Variants in TEX11 observed in about 807,000 individuals in gnomAD.
TEX11 encodes testis expressed 11.
A neutral mutation model predicts 84.4 loss-of-function variants in TEX11; 7 were observed. The observed-to-expected ratio is 0.08, with a 90% confidence interval of 0.05 to 0.16. The LOEUF is 0.16. TEX11 is among the 10% of genes least tolerant of loss of function. The probability of loss-of-function intolerance (pLI) is 1.00; values close to 1 mark genes in which losing one functional copy is unlikely to be tolerated. For synonymous variants in TEX11, 264 were observed against 222.8 expected (o/e 1.18, Z -1.64); for missense variants, 551 against 660.5 (o/e 0.83, Z 1.82).
At chrX:70,685,355 G>C (rs907652688) in intron 13 of TEX11, among the ~76,000 whole-genome samples, 3 of 111,599 alleles carry the variant, frequency 2.7e-5, no homozygotes, top group African/African-American at 9.8e-5. Context: ...GTTGGAGTGA[G>C]ACTCTGTCTC....
intron 17 of TEX11, among the ~76,000 whole-genome samples, chrX:70,631,257 T>C (rs1044538716): frequency 3.6e-5 from 4 of 111,618 alleles, no homozygotes; most frequent in Non-Finnish European, 5.7e-5. Context: ...CTAGAACAAG[T>C]CTCAATATAT....
At chrX:70,587,381 G>T (rs1266760683) in intron 25 of TEX11, among the ~76,000 whole-genome samples, 1 of 112,241 alleles carries the variant, frequency 8.9e-6, no homozygotes, top group Admixed American at 9.4e-5. Context: ...TCTCTGCTTT[G>T]TGTACTCTTG....
At chrX:70,774,273 T>TA (rs1309488102) in intron 9 of TEX11, among the ~76,000 whole-genome samples, 640 of 58,080 alleles carry the variant, frequency 0.011, 3 homozygotes, top group South Asian at 0.014. Context: ...GCTAACATCA[T>TA]AAAAAAAAAA....
chrX:70,547,579 A>T (rs1206466046), intron 28 of TEX11, among the ~76,000 whole-genome samples: 2 of 111,670 alleles, frequency 1.8e-5, no homozygotes, highest in African/African-American at 6.5e-5. Flanking sequence ...CAAGAAAAAA[A>T]CAAACAACCC....
At chrX:70,676,896 G>C (rs2090076620) in intron 15 of TEX11, among the ~76,000 whole-genome samples, 1 of 111,751 alleles carries the variant, frequency 8.9e-6, no homozygotes, top group Non-Finnish European at 1.9e-5. Flanking sequence ...ATCCTAAACA[G>C]AGTTTTCATC....
intron 9 of TEX11, among the ~76,000 whole-genome samples, chrX:70,765,143 T>G (rs1430014145): frequency 1.8e-5 from 2 of 111,720 alleles, no homozygotes; most frequent in African/African-American, 6.5e-5. Context: ...CCCAGCAGTT[T>G]GGGAGGCCGA....
At chrX:70,880,848 G>A (rs1479767417) in intron 2 of TEX11, among the ~76,000 whole-genome samples, 1 of 108,291 alleles carries the variant, frequency 9.2e-6, no homozygotes, top group African/African-American at 3.4e-5. Context: ...ACTCCAAATA[G>A]CTGAATCTTA....
intron 9 of TEX11, among the ~76,000 whole-genome samples, chrX:70,798,411 T>C (rs2091168581): frequency 8.9e-6 from 1 of 111,973 alleles, no homozygotes; most frequent in Non-Finnish European, 1.9e-5. Context: ...ATGTCCATAC[T>C]ACCTAAAGCA....
At chrX:70,673,475 T>C (rs1428197803) in intron 15 of TEX11, 1 of 111,933 alleles carries the variant, frequency 8.9e-6, no homozygotes, top group African/African-American at 3.3e-5. Context: ...TTTAGTCACA[T>C]ATCAAGTGCA....
intron 25 of TEX11, among the ~76,000 whole-genome samples, chrX:70,575,653 GA>G (rs371264101): frequency 2.4e-4 from 27 of 110,919 alleles, no homozygotes; most frequent in African/African-American, 8.2e-4. Flanking sequence ...AGAAATGTGA[GA>G]AAAAAAAATT....
Position 70,880,060 on chromosome X carries a change from C to A in TEX11, c.87G>T (p.Glu29Asp). Reference sequence around the variant, plus strand: ...TGTCGCTGAAGAGTCTATCAATTGCCTCTGGTATGTTAGGTGAATTATCAT... The same window carrying A: ...TGTCGCTGAAGAGTCTATCAATTGCATCTGGTATGTTAGGTGAATTATCAT... ...VTNDNSPNIP[E>D]AIDRLFSDIA... Residue 29 changes from glutamate (E) to aspartate (D), a missense_variant, in exon 3 of 30, where the codon GAG (glutamate) becomes GAT (aspartate). Physicochemically the swap from Glu to Asp is conservative, Grantham distance 45 (BLOSUM62 2). Transcript: ENST00000374333. 8.5e-7 allele frequency: 1 copy of A among 1,183,021 alleles called. No homozygotes were observed. Among genetic ancestry groups the A allele is most frequent in the Non-Finnish European group, 1.1e-6 (1 of 874,271 alleles).
intron 16 of TEX11, among the ~76,000 whole-genome samples, chrX:70,662,475 G>A (rs149961561): frequency 0.11 from 12,626 of 110,929 alleles, 612 homozygotes; most frequent in Middle Eastern, 0.2. Flanking sequence ...CCCCAATCTA[G>A]CAAGGCAGGC....
chrX:70,860,763 T>G (rs1377506013), intron 5 of TEX11, 94 bp downstream of exon 5: 2 of 565,911 alleles, frequency 3.5e-6, no homozygotes, highest in African/African-American at 4.7e-5. Flanking sequence ...ACTAAAAGAT[T>G]CAACCCCCTT....
intron 2 of TEX11, among the ~76,000 whole-genome samples, chrX:70,901,781 C>T (rs1325609400): frequency 8.9e-6 from 1 of 111,930 alleles, no homozygotes; most frequent in Non-Finnish European, 1.9e-5. Flanking sequence ...AGTGTACTTA[C>T]ACAAGATGGT....
intron 8 of TEX11, among the ~76,000 whole-genome samples, chrX:70,813,368 T>C (rs1190704269): frequency 2.7e-5 from 3 of 111,981 alleles, no homozygotes; most frequent in African/African-American, 9.7e-5. Context: ...TCTCAATAGA[T>C]GCAGAAAAGG....
At chrX:70,804,302 T>C (rs903085408) in intron 9 of TEX11, among the ~76,000 whole-genome samples, 2 of 112,348 alleles carry the variant, frequency 1.8e-5, no homozygotes, top group African/African-American at 3.2e-5. Flanking sequence ...ATTTAACAAT[T>C]TAACACTAAG....
At chrX:70,705,051 G>A (rs2090359230) in intron 13 of TEX11, among the ~76,000 whole-genome samples, 1 of 111,605 alleles carries the variant, frequency 9.0e-6, no homozygotes, top group Admixed American at 9.6e-5. Context: ...ATTAAATAGG[G>A]AATCCTTTCT....
At chrX:70,714,323 C>G (rs1034504460) in intron 13 of TEX11, among the ~76,000 whole-genome samples, 2 of 111,216 alleles carry the variant, frequency 1.8e-5, no homozygotes, top group Non-Finnish European at 3.8e-5. Context: ...TGGTGCAGAG[C>G]TGAGTTCAGT....
intron 28 of TEX11, among the ~76,000 whole-genome samples, chrX:70,548,087 C>T (rs2088158969): frequency 1.8e-5 from 2 of 111,356 alleles, no homozygotes; most frequent in Non-Finnish European, 3.8e-5. Context: ...ACTATGCAGC[C>T]ATAAAAAATG....
Sources: allele counts gnomAD v4.1 joint callset (sites outside exome capture counted in the v4.1 genomes callset), GRCh38; gene constraint gnomAD v4.1.1; transcripts MANE v1.5; gene names NCBI Gene and HGNC (gene_info 2026-07-23, HGNC 2026-07-21).